Variants in PRDM5 observed in about 807,000 individuals in gnomAD.
The protein encoded by PRDM5 is PR domain zinc finger protein 5.
In PRDM5, 56 loss-of-function variants were observed where a neutral mutation model predicts 81.2. That is an observed-to-expected ratio of 0.69 (90% CI 0.56 to 0.86). The LOEUF is 0.86. PRDM5 is among the 40% of genes least tolerant of loss of function. PRDM5 has a pLI of 0.00. For synonymous variants in PRDM5, 267 were observed against 256.4 expected, an observed-to-expected ratio of 1.04 and a Z score of -0.39; for missense variants, 697 against 770.1, an observed-to-expected ratio of 0.91 and a Z score of 1.12.
intron 14 of PRDM5, among the ~76,000 whole-genome samples, chr4:120,749,055 C>A (rs1743579595): frequency 6.6e-6 from 1 of 152,082 alleles, no homozygotes; most frequent in African/African-American, 2.4e-5. Context: ...AAATAAATCA[C>A]TATTCATAGG....
chr4:120,912,786 AATATAC>A (rs1344105727), intron 1 of PRDM5, among the ~76,000 whole-genome samples: 2 of 152,216 alleles, frequency 1.3e-5, no homozygotes, highest in African/African-American at 4.8e-5. Context: ...AGAAATAAAA[AATATAC>A]ATATAGATGA....
At chr4:120,743,957 C>T (rs1157118944) in intron 14 of PRDM5, among the ~76,000 whole-genome samples, 1 of 151,966 alleles carries the variant, frequency 6.6e-6, no homozygotes, top group Non-Finnish European at 1.5e-5. Context: ...AACTCTTCAC[C>T]CCAAATCAAC....
intron 13 of PRDM5, among the ~76,000 whole-genome samples, chr4:120,773,411 T>G (rs1337977318): frequency 1.3e-5 from 2 of 152,214 alleles, no homozygotes; most frequent in African/African-American, 4.8e-5. Context: ...AGATCAGCTA[T>G]GATATTAACA....
intron 14 of PRDM5, among the ~76,000 whole-genome samples, chr4:120,742,125 C>G (rs543544318): frequency 6.6e-6 from 1 of 152,268 alleles, no homozygotes; most frequent in Non-Finnish European, 1.5e-5. Context: ...TGACCCCTGA[C>G]CCCCCGAGCA....
intron 3 of PRDM5, among the ~76,000 whole-genome samples, chr4:120,840,364 G>A (rs1578945914): frequency 6.6e-6 from 1 of 152,158 alleles, no homozygotes; most frequent in Non-Finnish European, 1.5e-5. Context: ...CGGGCCCCAG[G>A]CCCAGCCGTT....
In PRDM5 at chr4:120,818,033, T is replaced by C. The variant is rs184367740; in HGVS notation, c.650+320A>G. ...TGTTACCTCAAAGGAGTAACTAAAG[T>C]AGGCATATCTGAATTTCAGATTAAA... On this transcript the variant is annotated intron_variant, in intron 5 of 15. Transcript: ENST00000264808. 8.3e-4 allele frequency: 193 copies of C among 231,312 alleles called. 1 individual carries two copies. Among genetic ancestry groups the C allele is most frequent in the African/African-American group, 4.2e-3 (184 of 43,706 alleles). 14.3% of individuals were successfully genotyped at this position (231,312 alleles called of 1,614,324 possible). A position where few individuals can be genotyped will look rare whatever the true frequency, so the allele number is the denominator to read the frequency against.
At chr4:120,710,226 CACACACACACACAT>C (rs1736763370) in intron 15 of PRDM5, 69 bp downstream of exon 15, 4 of 1,146,552 alleles carry the variant, frequency 3.5e-6, no homozygotes, top group South Asian at 1.3e-5. Flanking sequence ...CACAGACACA[CACACACACACACAT>C]ACACACACAC....
chr4:120,856,154 G>C (rs1759854638), intron 2 of PRDM5, among the ~76,000 whole-genome samples: 1 of 152,084 alleles, frequency 6.6e-6, no homozygotes, highest in Non-Finnish European at 1.5e-5. Flanking sequence ...CAGTCCATTA[G>C]ACATATGCAC....
chr4:120,722,928 G>A (rs1459895451), intron 14 of PRDM5, among the ~76,000 whole-genome samples: 1 of 152,186 alleles, frequency 6.6e-6, no homozygotes, highest in Admixed American at 6.5e-5. Flanking sequence ...TAACGACCCT[G>A]TTGAGCTATT....
chr4:120,710,468 G>T, intron 14 of PRDM5, 55 bp from the exon 15 acceptor site: 1 of 1,348,998 alleles, frequency 7.4e-7, no homozygotes, highest in Non-Finnish European at 1.1e-6. Context: ...TGAATGCAGA[G>T]TCCTCCATAT....
intron 2 of PRDM5, among the ~76,000 whole-genome samples, chr4:120,861,793 T>A (rs1399239129): frequency 2.0e-5 from 3 of 148,698 alleles, no homozygotes; most frequent in Non-Finnish European, 4.4e-5. Context: ...CAAGACTCCG[T>A]CTCAAAAAAA....
intron 7 of PRDM5, among the ~76,000 whole-genome samples, chr4:120,814,526 G>A (rs898037269): frequency 1.3e-5 from 2 of 152,052 alleles, no homozygotes; most frequent in Non-Finnish European, 2.9e-5. Flanking sequence ...CCCATGTTAT[G>A]GTTGCTATGG....
intron 10 of PRDM5, among the ~76,000 whole-genome samples, chr4:120,792,843 G>A (rs1465382705): frequency 3.3e-5 from 5 of 152,138 alleles, no homozygotes; most frequent in Non-Finnish European, 7.4e-5. Context: ...ACTTACATGT[G>A]GAATCTAAAA....
At chr4:120,915,964 A>T (rs1724102855) in intron 1 of PRDM5, among the ~76,000 whole-genome samples, 1 of 152,196 alleles carries the variant, frequency 6.6e-6, no homozygotes, top group Non-Finnish European at 1.5e-5. Flanking sequence ...CTGTGGGGAG[A>T]AGAACAAGAG....
chr4:120,889,823 T>C (rs1397649667), intron 2 of PRDM5, among the ~76,000 whole-genome samples: 1 of 152,216 alleles, frequency 6.6e-6, no homozygotes, highest in East Asian at 1.9e-4. Flanking sequence ...CATGTGGTAT[T>C]TGATTTTCTG....
Position 120,695,144 on chromosome 4 carries a change from G to C in PRDM5, c.1860C>G (p.His620Gln). 6.2e-7 allele frequency: 1 copy of C among 1,613,306 alleles called. No homozygotes were observed. The highest frequency in any genetic ancestry group is 1.7e-4 in the Middle Eastern group (1 of 6,054). Reference sequence around the variant, plus strand: ...CAGCTACACCATGGATATTGTCCATGTGCACTTTGAGGTAGTCATTCCTTG... The same window carrying C: ...CAGCTACACCATGGATATTGTCCATCTGCACTTTGAGGTAGTCATTCCTTG... ...KFTRNDYLKVHMDNIHGVADS is the reference protein window; with the variant it reads ...KFTRNDYLKVQMDNIHGVADS The change falls in exon 16 of 16, where the codon CAC becomes CAG. Residue 620 changes from histidine to glutamine, a missense_variant. By Grantham distance (24) the His-to-Gln change is conservative. Transcript: ENST00000264808.
At position 120,781,158 on chromosome 4, in the gene PRDM5, A is replaced by C; in HGVS notation, c.1428T>G (p.Leu476=). The change falls in exon 12 of 16, where the codon CTT becomes CTG. Residue 476 remains leucine, a synonymous_variant. Transcript: ENST00000264808. Reference sequence around the variant, plus strand: ...TTCCACTTACTTTCTTATGACTTCTAAGCACTGAAGGTGTAACAAAGGCCT... The same window carrying C: ...TTCCACTTACTTTCTTATGACTTCTCAGCACTGAAGGTGTAACAAAGGCCT... ...CNKAFVTPSV[L]RSHKKTHTGE... is the part of the protein sequence containing the mutation. 3 of 1,613,260 alleles carry C rather than the reference A, an allele frequency of 1.9e-6. No individual in the cohort carries two copies. Among genetic ancestry groups the C allele is most frequent in the Non-Finnish European group, 2.5e-6 (3 of 1,179,438 alleles).
At chr4:120,745,268 G>A (rs1316276693) in intron 14 of PRDM5, among the ~76,000 whole-genome samples, 4 of 128,242 alleles carry the variant, frequency 3.1e-5, no homozygotes, top group Non-Finnish European at 4.9e-5. Context: ...ATTAGGTATT[G>A]ATGGGACATA....
chr4:120,921,156 C>G (rs1561738826), intron 1 of PRDM5, among the ~76,000 whole-genome samples: 1 of 152,020 alleles, frequency 6.6e-6, no homozygotes, highest in Non-Finnish European at 1.5e-5. Flanking sequence ...AGCCAGAAAC[C>G]TTTAAGGAAG....
Sources: gnomAD v4.1 joint callset for allele counts (sites outside exome capture counted in the v4.1 genomes callset) on GRCh38, gnomAD v4.1.1 for gene constraint, MANE v1.5 for transcripts, NCBI Gene and HGNC (gene_info 2026-07-23, HGNC 2026-07-21) for gene names.